ICA1: variants seen among roughly 807,000 people sequenced by gnomAD.
The protein encoded by ICA1 is islet cell autoantigen 1.
ICA1 carries 40 observed loss-of-function variants against 71.0 expected under a neutral mutation model. The ratio of observed to expected loss-of-function variants is 0.56; its 90% CI spans 0.44 to 0.73. ICA1 has a LOEUF of 0.73. ICA1 is among the 30% of genes least tolerant of loss of function. The probability of loss-of-function intolerance (pLI) is 0.00; values close to 1 mark genes in which losing one functional copy is unlikely to be tolerated. For synonymous variants in ICA1, 207 were observed against 209.5 expected (o/e 0.99, Z 0.10); for missense variants, 578 against 576.5 (o/e 1.00, Z -0.03).
At position 8,254,405 on chromosome 7, in the gene ICA1, G is replaced by C. The variant is rs542128046; in HGVS notation, c.-80+7689C>G. Among the ~76,000 whole-genome samples the C allele has an allele frequency of 2.0e-5, 3 of 151,346 alleles. No individual in the cohort carries two copies. In the South Asian group the frequency reaches 6.3e-4, roughly 32 times the overall value. On this transcript the variant is annotated intron_variant, in intron 1 of 13. Transcript: ENST00000402384. ...GGCAGGGGAAGGGAGGAGCAAGAAA[G>C]GATCTCAGAGGTCAGCAGCAAAGGG...
At chr7:8,183,152 T>A (rs1044047702) in intron 6 of ICA1, among the ~76,000 whole-genome samples, 3 of 152,190 alleles carry the variant, frequency 2.0e-5, no homozygotes, top group African/African-American at 7.2e-5. Context: ...CAGCTCTTGG[T>A]CTCCTATGGG....
chr7:8,113,941 G>C lies in ICA1; in HGVS notation c.1434C>G (p.His478Gln). 6.2e-7 allele frequency: 1 copy of C among 1,614,134 alleles called. No individual in the cohort carries two copies. The highest frequency in any genetic ancestry group is 8.5e-7 in the Non-Finnish European group (1 of 1,180,000). The change falls in exon 14 of 14, where the codon CAC becomes CAG. Residue 478 changes from histidine (H) to glutamine (Q), a missense_variant. His to Gln is a conservative substitution (Grantham distance 24). Coordinates refer to ENST00000402384, the MANE Select transcript of ICA1 (RefSeq NM_001136020.3). This position sits in a 1 kb window ranked among gnomAD's most constrained non-coding sequence, Gnocchi z 4.2. The stretch of plus-strand genomic sequence containing the variant: ...TACAGATTCATGCATTGAGCAATTC[G>C]TGTTCTTTATCGGTTTTCCCAACAG... Reference protein sequence around the residue: ...PDAVGKTDKEHELLNA With the variant: ...PDAVGKTDKEQELLNA
chr7:8,115,974 T>C (rs1784685714), intron 13 of ICA1, among the ~76,000 whole-genome samples: 4 of 152,234 alleles, frequency 2.6e-5, no homozygotes, highest in Admixed American at 2.6e-4. Context: ...CCAACCAAAC[T>C]TGGGGACCAC....
chr7:8,202,389 T>A (rs1790027046), intron 6 of ICA1, among the ~76,000 whole-genome samples: 1 of 152,204 alleles, frequency 6.6e-6, no homozygotes, highest in Admixed American at 6.5e-5. Flanking sequence ...TTGGGGAGTT[T>A]TAACGAGCCC....
chr7:8,115,329 C>G (rs1234389720), intron 13 of ICA1, among the ~76,000 whole-genome samples: 4 of 152,124 alleles, frequency 2.6e-5, no homozygotes, highest in African/African-American at 9.7e-5. Context: ...GACAAGAGAG[C>G]TCACTGTAGC....
intron 10 of ICA1, among the ~76,000 whole-genome samples, chr7:8,139,895 A>G (rs1403740024): frequency 2.0e-5 from 3 of 152,238 alleles, no homozygotes; most frequent in Admixed American, 1.3e-4. Context: ...TGATTTGCTC[A>G]TATGTTCATT....
At chr7:8,240,249 C>G (rs1409105731) in intron 1 of ICA1, among the ~76,000 whole-genome samples, 1 of 80,802 alleles carries the variant, frequency 1.2e-5, no homozygotes, top group African/African-American at 6.4e-5. Context: ...ATTCTGCAGC[C>G]TCTGCTGGCG....
intron 10 of ICA1, among the ~76,000 whole-genome samples, 154 bp downstream of exon 10, chr7:8,141,611 A>C (rs1254828568): frequency 6.6e-6 from 1 of 152,216 alleles, no homozygotes; most frequent in Non-Finnish European, 1.5e-5. Context: ...GGATATCTGA[A>C]CATTTAGAAC....
chr7:8,236,829 C>A, intron 1 of ICA1: 1 of 152,630 alleles, frequency 6.6e-6, no homozygotes, highest in Non-Finnish European at 1.5e-5. Context: ...CTGGAAAGAA[C>A]AGAAAGCTCA....
chr7:8,255,494 A>G (rs1369372081), intron 1 of ICA1, among the ~76,000 whole-genome samples: 1 of 152,134 alleles, frequency 6.6e-6, no homozygotes, highest in Non-Finnish European at 1.5e-5. Context: ...ACTTGCTCTC[A>G]TTAGGTGATT....
At chr7:8,159,442 T>C (rs1167424335) in intron 6 of ICA1, among the ~76,000 whole-genome samples, 1 of 152,238 alleles carries the variant, frequency 6.6e-6, no homozygotes, top group African/African-American at 2.4e-5. Flanking sequence ...CCAGGCACAG[T>C]GGCTTAAACC....
intron 13 of ICA1, among the ~76,000 whole-genome samples, chr7:8,127,194 G>C (rs1371870002): frequency 1.4e-5 from 2 of 145,350 alleles, no homozygotes. Context: ...TTCCACCATT[G>C]TTGGCCAGGC....
chr7:8,179,361 T>C (rs1274958505), intron 6 of ICA1, among the ~76,000 whole-genome samples: 3 of 152,182 alleles, frequency 2.0e-5, no homozygotes, highest in East Asian at 1.9e-4. Flanking sequence ...ATGTTGGAAG[T>C]GGGTTGAAGT....
chr7:8,177,846 T>G (rs1399591650), intron 6 of ICA1, among the ~76,000 whole-genome samples: 2 of 152,180 alleles, frequency 1.3e-5, no homozygotes, highest in Non-Finnish European at 2.9e-5. Context: ...GGGAAAAAGA[T>G]CAGGTCCTTC....
At chr7:8,178,248 G>C (rs1229208663) in intron 6 of ICA1, among the ~76,000 whole-genome samples, 3 of 152,134 alleles carry the variant, frequency 2.0e-5, no homozygotes, top group Non-Finnish European at 4.4e-5. Flanking sequence ...CTTCTAGGAA[G>C]CACATATCTT....
intron 6 of ICA1, among the ~76,000 whole-genome samples, chr7:8,204,096 G>T (rs1336138501): frequency 6.6e-6 from 1 of 152,016 alleles, no homozygotes; most frequent in East Asian, 1.9e-4. Context: ...TACTCCTTAA[G>T]GGTGCTTGGA....
intron 1 of ICA1, among the ~76,000 whole-genome samples, chr7:8,238,595 G>T (rs1001922709): frequency 6.6e-6 from 1 of 151,996 alleles, no homozygotes; most frequent in Non-Finnish European, 1.5e-5. Flanking sequence ...ATATTCTGTA[G>T]GTTAGCTTTT....
At chr7:8,188,438 A>C (rs1043881113) in intron 6 of ICA1, among the ~76,000 whole-genome samples, 1 of 152,128 alleles carries the variant, frequency 6.6e-6, no homozygotes, top group Admixed American at 6.5e-5. Flanking sequence ...TACCGACATA[A>C]TTTCATAATG....
intron 12 of ICA1, among the ~76,000 whole-genome samples, chr7:8,128,510 C>T (rs926025831): frequency 6.6e-6 from 1 of 152,194 alleles, no homozygotes; most frequent in African/African-American, 2.4e-5. Context: ...CCCAAATCTT[C>T]CCACGCAAGC....
Sources: allele counts gnomAD v4.1 joint callset (sites outside exome capture counted in the v4.1 genomes callset), GRCh38; gene constraint gnomAD v4.1.1; non-coding constraint Gnocchi (gnomAD v3.1); transcripts MANE v1.5; gene names NCBI Gene and HGNC (gene_info 2026-07-23, HGNC 2026-07-21).